Variants in ST3GAL1 observed in about 807,000 individuals in gnomAD.
ST3GAL1 encodes CMP-N-acetylneuraminate-beta-galactosamide-alpha-2,3-sialyltransferase 1.
In ST3GAL1, 16 loss-of-function variants were observed where a neutral mutation model predicts 34.1. The observed-to-expected ratio is 0.47, with a 90% CI of 0.32 to 0.71. The LOEUF (loss-of-function observed/expected upper bound fraction) is 0.71, where lower values mean the gene tolerates loss of function less well. Ranked by LOEUF, ST3GAL1 falls within the 30% of genes least tolerant of loss-of-function variation. ST3GAL1 has a pLI of 0.04. For missense variants in ST3GAL1, 353 were observed against 447.4 expected, an observed-to-expected ratio of 0.79 and a Z score of 1.90; for synonymous variants, 191 against 184.7, an observed-to-expected ratio of 1.03 and a Z score of -0.28.
In ST3GAL1 at chr8:133,571,111, A is replaced by T. The variant is rs916884969; in HGVS notation, c.-582+582T>A. On this transcript the variant is annotated intron_variant, in intron 1 of 9. Transcript: ENST00000522652. The surrounding 1 kb of genome is among the most constrained non-coding windows in gnomAD (Gnocchi z 6.7). ...CCCGGGGCCGATAGCCACCTCCCGGATCTGCGCCTGCTTGCAGCGGATTGG... is the reference window on the plus strand; with the variant it reads ...CCCGGGGCCGATAGCCACCTCCCGGTTCTGCGCCTGCTTGCAGCGGATTGG... Among the ~76,000 whole-genome samples the T allele has an allele frequency of 6.6e-6, 1 of 152,162 alleles. No homozygotes were observed. The highest frequency in any genetic ancestry group is 1.5e-5 in the Non-Finnish European group (1 of 68,014).
rs192352935 is a variant in ST3GAL1, at chr8:133,533,391, G to C, written c.-429+12383C>G. Among the ~76,000 whole-genome samples, 1,031 of 152,176 alleles carry C rather than the reference G, an allele frequency of 6.8e-3. 67 individuals carry two copies. Among genetic ancestry groups the C allele is most frequent in the Admixed American group, 0.064 (973 of 15,278 alleles). ...GGCTCTAGTGCAGGCATGGGCTCTC[G>C]AGCAGCCTACACACAGGTGTGAGAG... On this transcript the variant is annotated intron_variant, in intron 2 of 9. Coordinates refer to ENST00000522652, the MANE Select transcript of ST3GAL1 (RefSeq NM_173344.3).
At chr8:133,498,155 G>T (rs750995418) in intron 3 of ST3GAL1, among the ~76,000 whole-genome samples, 1 of 152,206 alleles carries the variant, frequency 6.6e-6, no homozygotes, top group Non-Finnish European at 1.5e-5. Flanking sequence ...CTCGACAGTG[G>T]ACTGAATGTC....
intron 2 of ST3GAL1, among the ~76,000 whole-genome samples, chr8:133,529,896 G>A (rs1011195340): frequency 2.0e-5 from 3 of 152,004 alleles, no homozygotes; most frequent in Admixed American, 6.6e-5. Context: ...TGCTGACCCC[G>A]GGCCCCTCTG....
intron 2 of ST3GAL1, among the ~76,000 whole-genome samples, chr8:133,541,070 C>CAT (rs377685012): frequency 0.12 from 4,964 of 40,678 alleles, 530 homozygotes; most frequent in Non-Finnish European, 0.16. Context: ...TATATATAGA[C>CAT]ATATATATAG....
In ST3GAL1 at chr8:133,458,817, C is replaced by T. The variant is rs1282931324; in HGVS notation, c.*947G>A. The T allele has an allele frequency of 6.6e-6, 1 of 152,016 alleles. No individual in the cohort carries two copies. The highest frequency in any genetic ancestry group is 1.5e-5 in the Non-Finnish European group (1 of 68,034). The allele number at this position is 152,016 out of a possible 1,614,324, so 9.4% of individuals were successfully genotyped here. A position where few individuals can be genotyped will look rare whatever the true frequency, so the allele number is the denominator to read the frequency against. ...CCATGAGACTGACTACTCAAAGGAACAACTGCTTGGGAAGAGGCATCTGCA... is the reference window on the plus strand; with the variant it reads ...CCATGAGACTGACTACTCAAAGGAATAACTGCTTGGGAAGAGGCATCTGCA... On this transcript the variant is annotated 3_prime_UTR_variant, in exon 10 of 10. Transcript: ENST00000522652.
chr8:133,529,417 C>T (rs1047562283), intron 2 of ST3GAL1, among the ~76,000 whole-genome samples: 1 of 152,336 alleles, frequency 6.6e-6, no homozygotes, highest in East Asian at 1.9e-4. Context: ...GACCTGCTGG[C>T]TGTCCCTTAT....
intron 2 of ST3GAL1, among the ~76,000 whole-genome samples, chr8:133,506,125 G>A (rs1256784959): frequency 1.3e-5 from 2 of 152,156 alleles, no homozygotes; most frequent in East Asian, 3.8e-4. Context: ...TCCATCATCA[G>A]GAAAGTTCTA....
intron 3 of ST3GAL1, among the ~76,000 whole-genome samples, chr8:133,483,893 T>C (rs938916494): frequency 6.6e-6 from 1 of 152,166 alleles, no homozygotes; most frequent in Admixed American, 6.5e-5. Flanking sequence ...TCCTCAAAAT[T>C]GCTCTGGTAG....
intron 1 of ST3GAL1, among the ~76,000 whole-genome samples, chr8:133,563,587 T>C (rs1819307957): frequency 6.6e-6 from 1 of 151,614 alleles, no homozygotes; most frequent in African/African-American, 2.4e-5. Flanking sequence ...AACCGTGGCA[T>C]GGCGACCACA....
intron 2 of ST3GAL1, among the ~76,000 whole-genome samples, chr8:133,521,658 A>G (rs1381215213): frequency 6.6e-6 from 1 of 152,232 alleles, no homozygotes; most frequent in Admixed American, 6.5e-5. Context: ...CACATTAAGG[A>G]AATTATTAAT....
At chr8:133,537,664 C>G (rs1240571135) in intron 2 of ST3GAL1, among the ~76,000 whole-genome samples, 1 of 152,190 alleles carries the variant, frequency 6.6e-6, no homozygotes, top group South Asian at 2.1e-4. Flanking sequence ...GAACCCTCTA[C>G]AGCTTGCACA....
intron 2 of ST3GAL1, among the ~76,000 whole-genome samples, chr8:133,539,958 C>G (rs1301519715): frequency 6.6e-6 from 1 of 152,134 alleles, no homozygotes; most frequent in Admixed American, 6.5e-5. Flanking sequence ...GGACATAGCT[C>G]TCATCTTATT....
At chr8:133,471,133 G>A (rs1038265335) in intron 5 of ST3GAL1, among the ~76,000 whole-genome samples, 3 of 152,218 alleles carry the variant, frequency 2.0e-5, no homozygotes, top group South Asian at 2.1e-4. Context: ...GGGCCTCACC[G>A]CAGGCCTCAT....
intron 1 of ST3GAL1, among the ~76,000 whole-genome samples, chr8:133,560,615 G>A (rs1819192539): frequency 6.6e-6 from 1 of 152,192 alleles, no homozygotes; most frequent in African/African-American, 2.4e-5. Context: ...CACGTCTCGT[G>A]GGCTGGGCTG....
chr8:133,567,785 A>G (rs1357946564), intron 1 of ST3GAL1, among the ~76,000 whole-genome samples: 1 of 152,188 alleles, frequency 6.6e-6, no homozygotes, highest in Non-Finnish European at 1.5e-5. Flanking sequence ...GCCCCAAGCC[A>G]GGGTTGTCTG....
At chr8:133,530,062 G>C (rs1397708788) in intron 2 of ST3GAL1, among the ~76,000 whole-genome samples, 1 of 152,218 alleles carries the variant, frequency 6.6e-6, no homozygotes, top group African/African-American at 2.4e-5. Context: ...GTTTATGGAA[G>C]TGTCCCCAGG....
chr8:133,497,455 AATTTTTTT>A (rs1816990565), intron 3 of ST3GAL1, among the ~76,000 whole-genome samples: 4 of 101,242 alleles, frequency 4.0e-5, no homozygotes, highest in Admixed American at 1.2e-4. Flanking sequence ...ATTTTGTTGG[AATTTTTTT>A]TTTTTTTTTT....
intron 2 of ST3GAL1, among the ~76,000 whole-genome samples, chr8:133,534,335 T>C (rs1304560432): frequency 6.6e-6 from 1 of 150,908 alleles, no homozygotes; most frequent in South Asian, 2.1e-4. Flanking sequence ...ATTGGACATA[T>C]ATTATATAAT....
chr8:133,484,567 T>C (rs926482326), intron 3 of ST3GAL1, among the ~76,000 whole-genome samples: 3 of 152,212 alleles, frequency 2.0e-5, no homozygotes, highest in Non-Finnish European at 2.9e-5. Flanking sequence ...AGGAAGAAGA[T>C]GCTGTCTCTG....
Sources: allele counts gnomAD v4.1 joint callset (sites outside exome capture counted in the v4.1 genomes callset), GRCh38; gene constraint gnomAD v4.1.1; non-coding constraint Gnocchi (gnomAD v3.1); transcripts MANE v1.5; gene names NCBI Gene and HGNC (gene_info 2026-07-23, HGNC 2026-07-21).